Variants in DLGAP2 observed in about 807,000 individuals in gnomAD.
DLGAP2 encodes the protein disks large-associated protein 2.
A neutral mutation model predicts 100.3 loss-of-function variants in DLGAP2; 26 were observed. The observed-to-expected ratio is 0.26, with a 90% CI of 0.19 to 0.36. DLGAP2 has a LOEUF of 0.36. Ranked by LOEUF, DLGAP2 falls within the 10% of genes least tolerant of loss-of-function variation. The pLI is 1.00. For synonymous variants in DLGAP2, 886 were observed against 630.1 expected (o/e 1.41, Z -6.08); for missense variants, 1,858 against 1,453.2 (o/e 1.28, Z -4.53).
chr8:1,250,726 T>TA (rs896540884), intron 2 of DLGAP2, among the ~76,000 whole-genome samples: 4 of 151,918 alleles, frequency 2.6e-5, no homozygotes, highest in East Asian at 1.9e-4. Context: ...TTCACTTCAT[T>TA]AAAAAAAATG....
intron 1 of DLGAP2, among the ~76,000 whole-genome samples, chr8:833,100 C>T (rs565539789): frequency 6.6e-6 from 1 of 152,332 alleles, no homozygotes; most frequent in East Asian, 1.9e-4. Flanking sequence ...CAGGGCTTAC[C>T]TGTCTTCATG....
intron 3 of DLGAP2, among the ~76,000 whole-genome samples, chr8:1,446,058 G>A (rs1382409409): frequency 1.3e-5 from 2 of 151,716 alleles, no homozygotes; most frequent in East Asian, 3.9e-4. Context: ...TCACTCTGAT[G>A]GTAGTTTCTT....
At chr8:1,251,920 T>C (rs897870976) in intron 2 of DLGAP2, among the ~76,000 whole-genome samples, 12 of 152,268 alleles carry the variant, frequency 7.9e-5, no homozygotes, top group African/African-American at 2.7e-4. Flanking sequence ...CACGTGGGCC[T>C]GTTTTCCCAC....
At chr8:1,659,685 C>A (rs1438236608) in intron 8 of DLGAP2, among the ~76,000 whole-genome samples, 1 of 151,688 alleles carries the variant, frequency 6.6e-6, no homozygotes, top group Non-Finnish European at 1.5e-5. Context: ...TTTTGCTTTC[C>A]ATTTGCTTGG....
At chr8:1,043,108 G>A (rs1163596792) in intron 2 of DLGAP2, among the ~76,000 whole-genome samples, 3 of 148,810 alleles carry the variant, frequency 2.0e-5, no homozygotes, top group Non-Finnish European at 4.5e-5. Flanking sequence ...GGTGGATATG[G>A]GTGGTGGAAG....
intron 1 of DLGAP2, among the ~76,000 whole-genome samples, chr8:822,810 C>T (rs1442131918): frequency 6.6e-6 from 1 of 152,146 alleles, no homozygotes; most frequent in Non-Finnish European, 1.5e-5. Flanking sequence ...GCTGTGGACG[C>T]CACAGTGACC....
chr8:1,107,703 T>C (rs1804822810), intron 2 of DLGAP2, among the ~76,000 whole-genome samples: 1 of 152,224 alleles, frequency 6.6e-6, no homozygotes, highest in Non-Finnish European at 1.5e-5. Context: ...CAGAGCTGTT[T>C]TTGTAAAGCA....
At chr8:870,244 G>C (rs961583981) in intron 1 of DLGAP2, among the ~76,000 whole-genome samples, 7 of 152,150 alleles carry the variant, frequency 4.6e-5, no homozygotes, top group African/African-American at 1.7e-4. Context: ...TCCCTGAGCT[G>C]TCATCACTTA....
intron 2 of DLGAP2, among the ~76,000 whole-genome samples, chr8:1,113,652 C>T (rs542002605): frequency 6.6e-6 from 1 of 152,212 alleles, no homozygotes; most frequent in South Asian, 2.1e-4. Context: ...AACAGGGGTA[C>T]TTTGACTTCC....
At chr8:936,509 C>T (rs752792180) in intron 2 of DLGAP2, among the ~76,000 whole-genome samples, 4 of 152,166 alleles carry the variant, frequency 2.6e-5, no homozygotes, top group South Asian at 2.1e-4. Context: ...TAGAGCAGGA[C>T]GCATGGCTCC....
intron 3 of DLGAP2, among the ~76,000 whole-genome samples, chr8:1,359,286 C>T (rs1347865537): frequency 6.6e-6 from 1 of 152,248 alleles, no homozygotes; most frequent in Non-Finnish European, 1.5e-5. Flanking sequence ...AAGACCCTGT[C>T]CTCAGGCGGT....
chr8:1,637,081 A>G (rs7017309), intron 8 of DLGAP2, among the ~76,000 whole-genome samples: 55,030 of 151,812 alleles, frequency 0.36, 12,958 homozygotes, highest in African/African-American at 0.68. Context: ...CGCAGGCAGG[A>G]TGTCTCTGCA....
chr8:1,264,222 G>T (rs991335885), intron 3 of DLGAP2, among the ~76,000 whole-genome samples: 5 of 152,146 alleles, frequency 3.3e-5, no homozygotes, highest in Admixed American at 1.3e-4. Flanking sequence ...CCAACCAGGG[G>T]ATCAGCACGA....
chr8:963,853 C>A (rs1799784453), intron 2 of DLGAP2, among the ~76,000 whole-genome samples: 1 of 152,134 alleles, frequency 6.6e-6, no homozygotes, highest in South Asian at 2.1e-4. Context: ...AGCGGGATGA[C>A]ATTTAAAATT....
At chr8:1,690,568 G>T (rs1438896341) in intron 12 of DLGAP2, among the ~76,000 whole-genome samples, 2 of 151,654 alleles carry the variant, frequency 1.3e-5, no homozygotes, top group African/African-American at 4.8e-5. Flanking sequence ...GCCAGGCATG[G>T]TGGCATGCAC....
At chr8:1,123,774 A>G (rs991976058) in intron 2 of DLGAP2, among the ~76,000 whole-genome samples, 2 of 152,096 alleles carry the variant, frequency 1.3e-5, no homozygotes, top group Non-Finnish European at 2.9e-5. Flanking sequence ...TCCCTTTAGG[A>G]ATAAAACTTC....
chr8:995,495 T>C (rs753404088), intron 2 of DLGAP2, among the ~76,000 whole-genome samples: 15 of 152,254 alleles, frequency 9.9e-5, no homozygotes, highest in Non-Finnish European at 2.1e-4. Flanking sequence ...ATAGTTTGCA[T>C]TGCTGGATTT....
intron 3 of DLGAP2, among the ~76,000 whole-genome samples, chr8:1,499,609 A>C (rs73538557): frequency 0.038 from 5,772 of 152,300 alleles, 230 homozygotes; most frequent in African/African-American, 0.099. Flanking sequence ...AGCTTAAACT[A>C]TGCAAAAAGT....
chr8:1,202,335 G>T lies in DLGAP2; in HGVS notation c.74-56516G>T, dbSNP rs557268209. On this transcript the variant is annotated intron_variant, in intron 2 of 14. Transcript: ENST00000637795. ...GTGTATGTACTGGGGGTGAGGCCTG[G>T]GCCAGGGGCAGGCACGGCTCCTCTT... 2.6e-5 allele frequency among the ~76,000 whole-genome samples: 4 copies of T among 151,772 alleles called. No homozygotes were observed. In the South Asian group the frequency reaches 8.4e-4, roughly 32 times the overall value.
Sources: gnomAD v4.1 joint callset for allele counts (sites outside exome capture counted in the v4.1 genomes callset) on GRCh38, gnomAD v4.1.1 for gene constraint, MANE v1.5 for transcripts, NCBI Gene and HGNC (gene_info 2026-07-23, HGNC 2026-07-21) for gene names.